NDUFA11: variants seen among roughly 807,000 people sequenced by gnomAD.
NDUFA11 encodes the protein NADH dehydrogenase [ubiquinone] 1 alpha subcomplex subunit 11.
NDUFA11 carries 14 observed loss-of-function variants against 11.3 expected under a neutral mutation model. That is an observed-to-expected ratio of 1.24 (90% CI 0.82 to 1.94). The LOEUF is 1.94. Ranked by LOEUF, NDUFA11 falls within the 30% of genes most tolerant of loss-of-function variation. The pLI is 0.00. For missense variants in NDUFA11, 204 were observed against 200.3 expected (o/e 1.02, Z -0.11); for synonymous variants, 87 against 85.6 (o/e 1.02, Z -0.09).
chr19:5,901,190 C>T (rs988449137), intron 1 of NDUFA11: 3 of 762,632 alleles, frequency 3.9e-6, no homozygotes, highest in South Asian at 2.1e-5. Context: ...CTCCTGAGAC[C>T]GCAGCCCACT....
Position 5,897,198 on chromosome 19 carries a change from TC to T in NDUFA11, c.98-202del, listed in dbSNP as rs1416054226. Among the ~76,000 whole-genome samples, 4 of 152,026 alleles carry T rather than the reference TC, an allele frequency of 2.6e-5. No individual in the cohort carries two copies. In the East Asian group the frequency reaches 7.7e-4, roughly 29 times the overall value. ...AAAACTGGGGGGCCTCTCACTTCCT[TC>T]CCCACTCCCCGCCAGGCCTTCCTTG... On this transcript the variant is annotated intron_variant, in intron 1 of 3. Transcript: ENST00000308961.
downstream of NDUFA11, among the ~76,000 whole-genome samples, chr19:5,893,778 C>G (rs1046684245): frequency 6.6e-6 from 1 of 152,136 alleles, no homozygotes; most frequent in Non-Finnish European, 1.5e-5. This position sits in a 1 kb window ranked among gnomAD's most constrained non-coding sequence, Gnocchi z 4.1. Flanking sequence ...CACATCTAGG[C>G]CCCGCGGATG....
downstream of NDUFA11, chr19:5,893,183 C>A: frequency 1.3e-6 from 2 of 1,535,998 alleles, no homozygotes; most frequent in South Asian, 2.4e-5. The surrounding 1 kb of genome is among the most constrained non-coding windows in gnomAD (Gnocchi z 4.1). Flanking sequence ...AATCTCTGTA[C>A]ACAGTGGCTC....
chr19:5,893,510 A>G (rs978161782), downstream of NDUFA11, among the ~76,000 whole-genome samples: 1 of 152,088 alleles, frequency 6.6e-6, no homozygotes, highest in Non-Finnish European at 1.5e-5. The surrounding 1 kb of genome is among the most constrained non-coding windows in gnomAD (Gnocchi z 4.1). Flanking sequence ...TGCGTTGCCC[A>G]GGCTGGTTCC....
At chr19:5,893,083 T>C, downstream of NDUFA11, 7 of 1,536,110 alleles carry the variant, frequency 4.6e-6, no homozygotes, top group Non-Finnish European at 6.1e-6. This position sits in a 1 kb window ranked among gnomAD's most constrained non-coding sequence, Gnocchi z 4.1. Flanking sequence ...CCCTGAGCTG[T>C]TGCATGCCCC....
intron 1 of NDUFA11, chr19:5,901,486 C>G: frequency 1.6e-6 from 2 of 1,278,114 alleles, no homozygotes; most frequent in Non-Finnish European, 2.0e-6. Flanking sequence ...TAACGTCTGT[C>G]TTACTATTAA....
chr19:5,899,196 C>T (rs1374322492), intron 1 of NDUFA11, among the ~76,000 whole-genome samples: 1 of 149,762 alleles, frequency 6.7e-6, no homozygotes, highest in African/African-American at 2.5e-5. Context: ...GTCGCCCAGG[C>T]TGGAGTGCAG....
intron 3 of NDUFA11, 133 bp from the exon 4 acceptor site, chr19:5,894,987 C>G (rs2057598860): frequency 9.7e-7 from 1 of 1,035,678 alleles, no homozygotes; most frequent in Non-Finnish European, 1.4e-6. Context: ...GGGATTAAGT[C>G]ACTCAGGAAG....
intron 1 of NDUFA11, 111 bp from the exon 2 acceptor site, chr19:5,897,108 C>G (rs1008567693): frequency 2.3e-6 from 2 of 865,578 alleles, no homozygotes; most frequent in Admixed American, 1.8e-5. Context: ...TGCCCCCCTT[C>G]TTTGCCCATA....
At chr19:5,894,031 G>A (rs2057592502), downstream of NDUFA11, among the ~76,000 whole-genome samples, 1 of 152,226 alleles carries the variant, frequency 6.6e-6, no homozygotes, top group South Asian at 2.1e-4. Flanking sequence ...TGGAGAAGGG[G>A]CCCGGGGTGG....
chr19:5,898,376 C>T (rs1218409951), intron 1 of NDUFA11, among the ~76,000 whole-genome samples: 3 of 152,190 alleles, frequency 2.0e-5, no homozygotes, highest in Admixed American at 1.3e-4. Flanking sequence ...CCCTCAAGAG[C>T]GACTGAGGGG....
In NDUFA11 at chr19:5,896,086, G is replaced by A. The variant is rs1021029685; in HGVS notation, c.313+367C>T. 6 of 458,430 alleles carry A rather than the reference G, an allele frequency of 1.3e-5. 1 individual carries two copies. The highest frequency in any genetic ancestry group is 1.1e-3 in the Middle Eastern group (2 of 1,778). The allele number at this position is 458,430 out of a possible 1,614,324, so 28.4% of individuals were successfully genotyped here. Reference sequence around the variant, plus strand: ...GAAGGCGGCACAGAGCGAGGGCGGCGGGGATGCTGGCTTGTACACAGGGTG... The same window carrying A: ...GAAGGCGGCACAGAGCGAGGGCGGCAGGGATGCTGGCTTGTACACAGGGTG... On this transcript the variant is annotated intron_variant, in intron 3 of 3. Coordinates refer to ENST00000308961, the MANE Select transcript of NDUFA11 (RefSeq NM_175614.5). The surrounding 1 kb of genome is among the most constrained non-coding windows in gnomAD (Gnocchi z 5.8).
intron 1 of NDUFA11, among the ~76,000 whole-genome samples, chr19:5,898,310 G>A (rs1320401670): frequency 2.0e-5 from 3 of 152,144 alleles, no homozygotes; most frequent in Admixed American, 2.0e-4. Flanking sequence ...GCCTGGCAGT[G>A]ACCCCCCCCA....
chr19:5,896,141 C>T lies in NDUFA11; in HGVS notation c.313+312G>A, dbSNP rs191245682. On this transcript the variant is annotated intron_variant, in intron 3 of 3. Coordinates refer to ENST00000308961, the MANE Select transcript of NDUFA11 (RefSeq NM_175614.5). The surrounding 1 kb of genome is among the most constrained non-coding windows in gnomAD (Gnocchi z 5.8). ...GGACAGTGAGGGGAACAGCATTCCA[C>T]GCAGTGCACTGCCCATGCAAAGGCC... The T allele has an allele frequency of 4.8e-4, 276 of 577,510 alleles. 1 individual carries two copies. Among genetic ancestry groups the T allele is most frequent in the African/African-American group, 4.4e-3 (238 of 53,646 alleles). The allele number at this position is 577,510 out of a possible 1,614,324, so 35.8% of individuals were successfully genotyped here. A position where few individuals can be genotyped will look rare whatever the true frequency, so the allele number is the denominator to read the frequency against.
downstream of NDUFA11, chr19:5,892,782 T>C (rs1018429025): frequency 1.1e-5 from 13 of 1,174,824 alleles, no homozygotes; most frequent in African/African-American, 1.5e-5. Flanking sequence ...TGCCCGTGAG[T>C]GGATGGGATG....
downstream of NDUFA11, among the ~76,000 whole-genome samples, chr19:5,893,803 G>A (rs1480405189): frequency 6.6e-6 from 1 of 152,166 alleles, no homozygotes; most frequent in Non-Finnish European, 1.5e-5. The surrounding 1 kb of genome is among the most constrained non-coding windows in gnomAD (Gnocchi z 4.1). Context: ...TGAGAAAAGG[G>A]AAGAGATGGG....
intron 1 of NDUFA11, among the ~76,000 whole-genome samples, chr19:5,898,729 C>T (rs1263161921): frequency 6.6e-6 from 1 of 151,964 alleles, no homozygotes; most frequent in African/African-American, 2.4e-5. Flanking sequence ...CAAAAATTAG[C>T]CAGGCATGGT....
intron 3 of NDUFA11, 94 bp from the exon 4 acceptor site, chr19:5,894,948 C>A (rs1010023896): frequency 2.9e-6 from 4 of 1,358,312 alleles, no homozygotes; most frequent in Non-Finnish European, 4.0e-6. Flanking sequence ...GGGAGCCAGA[C>A]TGAGACCCCT....
In NDUFA11 at chr19:5,903,700, C is replaced by G. The variant is rs576231769; in HGVS notation, c.9G>C (p.Pro3=). The change falls in exon 1 of 4, where the codon CCG becomes CCC. Residue 3 remains proline (P), a synonymous_variant. Transcript: ENST00000308961. MA[P]KVFRQYWDIP... ...TATCCCAGTACTGACGAAAAACCTTCGGCGCCATAGCCCGCAATCTCGATC... is the reference window on the plus strand; with the variant it reads ...TATCCCAGTACTGACGAAAAACCTTGGGCGCCATAGCCCGCAATCTCGATC... 6.4e-7 allele frequency: 1 copy of G among 1,551,398 alleles called. No homozygotes were observed. The highest frequency in any genetic ancestry group is 1.4e-5 in the African/African-American group (1 of 73,062).
Sources: gnomAD v4.1 joint callset for allele counts (sites outside exome capture counted in the v4.1 genomes callset) on GRCh38, gnomAD v4.1.1 for gene constraint, Gnocchi (gnomAD v3.1) non-coding constraint, MANE v1.5 for transcripts, NCBI Gene and HGNC (gene_info 2026-07-23, HGNC 2026-07-21) for gene names.